THEMIS: variants seen among roughly 807,000 people sequenced by gnomAD.
THEMIS encodes the protein thymocyte selection associated, also known as protein THEMIS.
THEMIS carries 37 observed loss-of-function variants against 52.6 expected under a neutral mutation model. That is an observed-to-expected ratio of 0.70 (90% confidence interval 0.54 to 0.93). The LOEUF is 0.93. THEMIS is among the 40% of genes least tolerant of loss of function. The probability of loss-of-function intolerance (pLI) is 0.00; values close to 1 mark genes in which losing one functional copy is unlikely to be tolerated. For missense variants in THEMIS, 808 were observed against 763.1 expected, an observed-to-expected ratio of 1.06 and a Z score of -0.69; for synonymous variants, 292 against 272.7, an observed-to-expected ratio of 1.07 and a Z score of -0.70.
chr6:127,856,649 A>G (rs371212985), intron 1 of THEMIS, among the ~76,000 whole-genome samples: 36 of 152,098 alleles, frequency 2.4e-4, no homozygotes, highest in African/African-American at 8.7e-4. Context: ...AATACATATT[A>G]AGGATAGTCT....
At chr6:127,895,794 T>G (rs918851643) in intron 1 of THEMIS, among the ~76,000 whole-genome samples, 1 of 151,438 alleles carries the variant, frequency 6.6e-6, no homozygotes, top group Middle Eastern at 3.2e-3. Flanking sequence ...AATATTTAAA[T>G]AAGCGATAAC....
At chr6:127,790,800 G>T (rs1252995255) in intron 4 of THEMIS, among the ~76,000 whole-genome samples, 1 of 152,198 alleles carries the variant, frequency 6.6e-6, no homozygotes, top group East Asian at 1.9e-4. Context: ...TCCAGCCACT[G>T]CCCACAGCCA....
At chr6:127,848,252 A>C (rs1269266579) in intron 2 of THEMIS, among the ~76,000 whole-genome samples, 4 of 151,586 alleles carry the variant, frequency 2.6e-5, no homozygotes, top group Non-Finnish European at 5.9e-5. Context: ...AAGGACATGA[A>C]CTCATCATTT....
In THEMIS at chr6:127,709,760, T is replaced by C. The variant is rs1773910432; in HGVS notation, c.*225A>G. Reference sequence around the variant, plus strand: ...TACGTCCTAAAGAACAACAACACAATGCCTACAGATTTAGACACAACAGAA... The same window carrying C: ...TACGTCCTAAAGAACAACAACACAACGCCTACAGATTTAGACACAACAGAA... On this transcript the variant is annotated 3_prime_UTR_variant, in exon 6 of 6. Transcript: ENST00000368248. 1 of 412,478 alleles carries C rather than the reference T, an allele frequency of 2.4e-6. No homozygotes were observed. Among genetic ancestry groups the C allele is most frequent in the East Asian group, 3.9e-5 (1 of 25,906 alleles). 25.6% of individuals were successfully genotyped at this position (412,478 alleles called of 1,614,324 possible). A position where few individuals can be genotyped will look rare whatever the true frequency, so the allele number is the denominator to read the frequency against.
At chr6:127,710,242 G>T (rs1773929973) in intron 5 of THEMIS, among the ~76,000 whole-genome samples, 1 of 151,796 alleles carries the variant, frequency 6.6e-6, no homozygotes, top group Non-Finnish European at 1.5e-5. Context: ...TGAGGTAGGA[G>T]ATAATAGCTT....
chr6:127,703,418 C>T (rs906491606), downstream of THEMIS, among the ~76,000 whole-genome samples: 7 of 152,140 alleles, frequency 4.6e-5, no homozygotes, highest in African/African-American at 1.7e-4. Flanking sequence ...ACTAAGTTTA[C>T]TTAGCTTTAA....
chr6:127,900,922 G>A lies in THEMIS; in HGVS notation c.11C>T (p.Ser4Leu). Residue 4 changes from serine (S) to leucine (L), a missense_variant, in exon 1 of 6, where the codon TCA becomes TTA. Coordinates refer to ENST00000368248, the MANE Select transcript of THEMIS (RefSeq NM_001010923.3). MAL[S>L]LEEFVHSLDL... is the part of the protein sequence containing the mutation. ...AAGGGAGTGGACGAATTCTTCCAGT[G>A]ATAATGCCATTGCTATGCCTTGGGT... The A allele has an allele frequency of 6.2e-7, 1 of 1,612,968 alleles. No individual in the cohort carries two copies. Among genetic ancestry groups the A allele is most frequent in the Non-Finnish European group, 8.5e-7 (1 of 1,179,252 alleles).
At chr6:127,812,469 C>A (rs1777940847) in intron 4 of THEMIS, among the ~76,000 whole-genome samples, 1 of 152,088 alleles carries the variant, frequency 6.6e-6, no homozygotes, top group South Asian at 2.1e-4. Flanking sequence ...CAGTAACCCC[C>A]CATCCCCAGA....
At chr6:127,704,900 C>T (rs1773780420), downstream of THEMIS, among the ~76,000 whole-genome samples, 1 of 152,192 alleles carries the variant, frequency 6.6e-6, no homozygotes, top group African/African-American at 2.4e-5. Context: ...TATGGGTCAA[C>T]TTAGTATATT....
intron 1 of THEMIS, among the ~76,000 whole-genome samples, chr6:127,885,223 T>C (rs1210912739): frequency 6.6e-6 from 1 of 152,148 alleles, no homozygotes; most frequent in Non-Finnish European, 1.5e-5. Flanking sequence ...TTTCTACTAT[T>C]CCCTGAGAAG....
Position 127,710,036 on chromosome 6 carries a change from G to T in THEMIS, c.1895-20C>A, listed in dbSNP as rs756012323. 3 of 1,519,440 alleles carry T rather than the reference G, an allele frequency of 2.0e-6. No homozygotes were observed. The highest frequency in any genetic ancestry group is 1.4e-5 in the African/African-American group (1 of 70,872). 94.1% of individuals were successfully genotyped at this position (1,519,440 alleles called of 1,614,324 possible). A position where few individuals can be genotyped will look rare whatever the true frequency, so the allele number is the denominator to read the frequency against. On this transcript the variant is annotated intron_variant, in intron 5 of 5. Transcript: ENST00000368248. ...ATGTTTCTATAAATAAAAAAAGAAG[G>T]GTTTATCAGAAATAAGTATTGAAAA... is the stretch of plus-strand genomic sequence containing the variant.
At chr6:127,810,045 T>C (rs1285254804) in intron 4 of THEMIS, among the ~76,000 whole-genome samples, 4 of 151,832 alleles carry the variant, frequency 2.6e-5, no homozygotes, top group Non-Finnish European at 5.9e-5. Flanking sequence ...TTATTAAGTA[T>C]CTGGAATCCT....
At chr6:127,863,201 T>C (rs1262849562) in intron 1 of THEMIS, among the ~76,000 whole-genome samples, 1 of 152,224 alleles carries the variant, frequency 6.6e-6, no homozygotes, top group Non-Finnish European at 1.5e-5. Context: ...GAATTTCATT[T>C]ACATCTCTAA....
At chr6:127,829,436 T>C (rs749081437) in intron 3 of THEMIS, 40 bp downstream of exon 3, 1 of 1,499,036 alleles carries the variant, frequency 6.7e-7, no homozygotes, top group Non-Finnish European at 9.0e-7. Flanking sequence ...AACCCCATAA[T>C]GCTCATGCTC....
At chr6:127,835,525 C>G (rs558884539) in intron 2 of THEMIS, among the ~76,000 whole-genome samples, 1 of 152,218 alleles carries the variant, frequency 6.6e-6, no homozygotes, top group South Asian at 2.1e-4. Context: ...TACTTAACAG[C>G]TAGTAAGCAC....
chr6:127,724,814 A>G (rs919575459), intron 4 of THEMIS, among the ~76,000 whole-genome samples: 6 of 152,120 alleles, frequency 3.9e-5, no homozygotes, highest in African/African-American at 1.4e-4. Flanking sequence ...ACAAATAAAT[A>G]TTACCAAAAA....
chr6:127,871,430 A>T (rs962302154), intron 1 of THEMIS, among the ~76,000 whole-genome samples: 3 of 152,064 alleles, frequency 2.0e-5, no homozygotes, highest in Non-Finnish European at 4.4e-5. Context: ...ATATTAGAAA[A>T]GAGCAATAGC....
intron 4 of THEMIS, among the ~76,000 whole-genome samples, chr6:127,734,915 G>A (rs13197669): frequency 0.39 from 29,927 of 76,522 alleles, 5,142 homozygotes; most frequent in Non-Finnish European, 0.5. Flanking sequence ...ATATATATAT[G>A]TGTGTGTGTG....
At position 127,821,379 on chromosome 6, in the gene THEMIS, G is replaced by A. The variant is rs574980774; in HGVS notation, c.710-7448C>T. 3.9e-5 allele frequency among the ~76,000 whole-genome samples: 6 copies of A among 152,104 alleles called. 1 individual carries two copies. The South Asian group carries it at 1.2e-3, about 32-fold the overall frequency. ...CATGAGACTGAGAAACATTCCTGGAGGTTTGTATTACAAGTTTTTCTGTTC... is the reference window on the plus strand; with the variant it reads ...CATGAGACTGAGAAACATTCCTGGAAGTTTGTATTACAAGTTTTTCTGTTC... On this transcript the variant is annotated intron_variant, in intron 3 of 5. Coordinates refer to ENST00000368248, the MANE Select transcript of THEMIS (RefSeq NM_001010923.3).
Sources: gnomAD v4.1 joint callset for allele counts (sites outside exome capture counted in the v4.1 genomes callset) on GRCh38, gnomAD v4.1.1 for gene constraint, MANE v1.5 for transcripts, NCBI Gene and HGNC (gene_info 2026-07-23, HGNC 2026-07-21) for gene names.